Variants in TNFRSF19 observed in about 807,000 individuals in gnomAD.
TNFRSF19 encodes TNF receptor superfamily member 19, also known as tumor necrosis factor receptor superfamily member 19.
In TNFRSF19, 27 loss-of-function variants were observed where a neutral mutation model predicts 46.4. The ratio of observed to expected loss-of-function variants is 0.58; its 90% CI spans 0.43 to 0.80. The LOEUF (loss-of-function observed/expected upper bound fraction) is 0.80. Among genes scored for constraint, TNFRSF19 ranks in the 30% least tolerant of loss-of-function variants. The pLI, the probability that TNFRSF19 is intolerant of heterozygous loss-of-function variation, is 0.00. For synonymous variants in TNFRSF19, 204 were observed against 205.0 expected (o/e 1.00, Z 0.04); for missense variants, 511 against 530.8 (o/e 0.96, Z 0.37).
At chr13:23,667,418 A>G (rs1951659548) in intron 7 of TNFRSF19, among the ~76,000 whole-genome samples, 1 of 152,170 alleles carries the variant, frequency 6.6e-6, no homozygotes, top group Non-Finnish European at 1.5e-5. Context: ...AGAGGGTTCG[A>G]ACATTCATGC....
intron 1 of TNFRSF19, among the ~76,000 whole-genome samples, chr13:23,576,092 A>G (rs1877937371): frequency 6.6e-6 from 1 of 152,056 alleles, no homozygotes; most frequent in Non-Finnish European, 1.5e-5. Flanking sequence ...TCCTAATTAC[A>G]AGCATCCAGT....
chr13:23,627,972 A>G (rs1342986511), intron 5 of TNFRSF19, among the ~76,000 whole-genome samples: 4 of 152,238 alleles, frequency 2.6e-5, no homozygotes, highest in African/African-American at 9.6e-5. Context: ...CCTCATTTTT[A>G]TAATAGGTAA....
In TNFRSF19 at chr13:23,659,354, G is replaced by C. The variant is rs963806931; in HGVS notation, c.610+140G>C. 6.7e-5 allele frequency: 62 copies of C among 926,652 alleles called. No individual in the cohort carries two copies. The highest frequency in any genetic ancestry group is 8.8e-5 in the Non-Finnish European group (55 of 627,474). The allele number at this position is 926,652 out of a possible 1,614,324, so 57.4% of individuals were successfully genotyped here. A position where few individuals can be genotyped will look rare whatever the true frequency, so the allele number is the denominator to read the frequency against. On this transcript the variant is annotated intron_variant, in intron 6 of 9. Transcript: ENST00000248484. This position sits in a 1 kb window ranked among gnomAD's most constrained non-coding sequence, Gnocchi z 4.9. ...AGAACGCAGGGCACAAGAAACACAG[G>C]TGATCCCTGAACAGCAGAGGGCTAG... is the stretch of plus-strand genomic sequence containing the variant.
intron 5 of TNFRSF19, among the ~76,000 whole-genome samples, chr13:23,656,109 T>C (rs1290185075): frequency 6.6e-6 from 1 of 152,222 alleles, no homozygotes; most frequent in African/African-American, 2.4e-5. Context: ...TGTTGTTATA[T>C]AGGTGTCAAA....
intron 3 of TNFRSF19, among the ~76,000 whole-genome samples, chr13:23,612,761 T>C (rs1409656623): frequency 6.6e-6 from 1 of 152,232 alleles, no homozygotes; most frequent in Non-Finnish European, 1.5e-5. Flanking sequence ...ATATGATCAA[T>C]GAATTTTATT....
At chr13:23,601,424 T>C (rs75534187) in intron 3 of TNFRSF19, among the ~76,000 whole-genome samples, 11,964 of 152,234 alleles carry the variant, frequency 0.079, 692 homozygotes, top group East Asian at 0.28. Context: ...ATAAAGACTT[T>C]CTCAATCAAT....
At chr13:23,629,328 G>A (rs1007716569) in intron 5 of TNFRSF19, among the ~76,000 whole-genome samples, 2 of 152,182 alleles carry the variant, frequency 1.3e-5, no homozygotes, top group Admixed American at 1.3e-4. Flanking sequence ...GGCACACCAC[G>A]CCTTCTGCAG....
At chr13:23,630,347 A>T (rs1320069187) in intron 5 of TNFRSF19, among the ~76,000 whole-genome samples, 1 of 150,626 alleles carries the variant, frequency 6.6e-6, no homozygotes, top group African/African-American at 2.4e-5. Flanking sequence ...AGAAACTCAG[A>T]TGGCTAGACT....
chr13:23,643,730 T>A (rs966628206), intron 5 of TNFRSF19, among the ~76,000 whole-genome samples: 2 of 152,190 alleles, frequency 1.3e-5, no homozygotes, highest in Non-Finnish European at 2.9e-5. Flanking sequence ...GGTGCGAAGA[T>A]CCTCCATGGG....
rs1381484694 is a variant in TNFRSF19 at position 23,626,789 on chromosome 13, C to T, written c.442C>T (p.His148Tyr). 1.2e-6 allele frequency: 2 copies of T among 1,614,126 alleles called. No individual in the cohort carries two copies. Among genetic ancestry groups the T allele is most frequent in the South Asian group, 2.2e-5 (2 of 91,082 alleles). Reference sequence around the variant, plus strand: ...AGACCCTCCTCCTCCTTACGAACCGCACTGTGAGTGAACGCAACACAGGCA... The same window carrying T: ...AGACCCTCCTCCTCCTTACGAACCGTACTGTGAGTGAACGCAACACAGGCA... ...CGDPPPPYEP[H>Y]CASKVNLVKI... The change falls in exon 5 of 10, where the codon CAC (histidine) becomes TAC (tyrosine). Residue 148 changes from histidine to tyrosine, a missense_variant. Transcript: ENST00000248484.
intron 5 of TNFRSF19, among the ~76,000 whole-genome samples, chr13:23,642,830 G>A (rs1440936522): frequency 1.3e-5 from 2 of 152,196 alleles, no homozygotes; most frequent in Non-Finnish European, 2.9e-5. Flanking sequence ...ATCAGGTCAG[G>A]TCTTTGGAGT....
In TNFRSF19 at chr13:23,673,386, C is replaced by T; in HGVS notation, c.*6C>T. On this transcript the variant is annotated 3_prime_UTR_variant, in exon 10 of 10. Coordinates refer to ENST00000248484, the MANE Select transcript of TNFRSF19 (RefSeq NM_148957.4). ...TGCTGTTTTAGGAAGCTTAAAGAAC[C>T]TGCTTCTTTCTGCAGTAGAAGCGTG... 6.2e-7 allele frequency: 1 copy of T among 1,604,388 alleles called. No individual in the cohort carries two copies. Among genetic ancestry groups the T allele is most frequent in the Non-Finnish European group, 8.5e-7 (1 of 1,174,404 alleles).
At chr13:23,571,495 C>A (rs1013317115) in intron 1 of TNFRSF19, among the ~76,000 whole-genome samples, 1 of 152,138 alleles carries the variant, frequency 6.6e-6, no homozygotes, top group Non-Finnish European at 1.5e-5. Context: ...CAGTGATTTT[C>A]TATAACCTTT....
rs138123909 is a variant in TNFRSF19, at chr13:23,580,631, T to G, written c.-34-9519T>G. Among the ~76,000 whole-genome samples the G allele has an allele frequency of 2.3e-3, 356 of 152,374 alleles. 1 individual carries two copies. The highest frequency in any genetic ancestry group is 8.4e-3 in the African/African-American group (350 of 41,588). On this transcript the variant is annotated intron_variant, in intron 1 of 9. Coordinates refer to ENST00000248484, the MANE Select transcript of TNFRSF19 (RefSeq NM_148957.4). ...AGTCTTAAAAATTCCAGGCAGTGCTTATTATCTAATTGAAAGGTATAGAAC... is the reference window on the plus strand; with the variant it reads ...AGTCTTAAAAATTCCAGGCAGTGCTGATTATCTAATTGAAAGGTATAGAAC...
intron 5 of TNFRSF19, among the ~76,000 whole-genome samples, chr13:23,647,871 T>A (rs922796072): frequency 2.6e-5 from 4 of 152,132 alleles, no homozygotes; most frequent in African/African-American, 9.7e-5. Context: ...GGCACTCATT[T>A]AAAAAAATCA....
chr13:23,665,621 C>T (rs1463940680), intron 7 of TNFRSF19, among the ~76,000 whole-genome samples: 4 of 152,164 alleles, frequency 2.6e-5, no homozygotes, highest in Admixed American at 2.0e-4. Context: ...CCCTCTCTCT[C>T]GTGTGTGTGT....
intron 3 of TNFRSF19, among the ~76,000 whole-genome samples, chr13:23,595,475 A>G (rs1242765547): frequency 6.6e-6 from 1 of 152,216 alleles, no homozygotes; most frequent in Non-Finnish European, 1.5e-5. Flanking sequence ...ACAAGTATCA[A>G]TAGCTGAATC....
chr13:23,649,643 T>C (rs1408946169), intron 5 of TNFRSF19, among the ~76,000 whole-genome samples: 1 of 152,126 alleles, frequency 6.6e-6, no homozygotes, highest in African/African-American at 2.4e-5. Context: ...GAAGGTAAAG[T>C]TACTGACTTT....
intron 3 of TNFRSF19, among the ~76,000 whole-genome samples, chr13:23,605,803 G>T (rs1880471723): frequency 6.6e-6 from 1 of 152,216 alleles, no homozygotes; most frequent in Non-Finnish European, 1.5e-5. Context: ...CATGGGTAAG[G>T]GTGAGGGAGG....
Sources: allele counts gnomAD v4.1 joint callset (sites outside exome capture counted in the v4.1 genomes callset), GRCh38; gene constraint gnomAD v4.1.1; non-coding constraint Gnocchi (gnomAD v3.1); transcripts MANE v1.5; gene names NCBI Gene and HGNC (gene_info 2026-07-23, HGNC 2026-07-21).